Variants in SCAI observed in about 807,000 individuals in gnomAD.
SCAI encodes protein SCAI.
A neutral mutation model predicts 92.2 loss-of-function variants in SCAI; 24 were observed. The ratio of observed to expected loss-of-function variants is 0.26; its 90% CI spans 0.19 to 0.37. SCAI has a LOEUF of 0.37. SCAI is among the 10% of genes least tolerant of loss of function. The pLI is 1.00. For synonymous variants in SCAI, 261 were observed against 258.6 expected, an observed-to-expected ratio of 1.01 and a Z score of -0.09; for missense variants, 450 against 736.2, an observed-to-expected ratio of 0.61 and a Z score of 4.50.
intron 3 of SCAI, among the ~76,000 whole-genome samples, chr9:125,039,146 G>T (rs1339034080): frequency 6.6e-6 from 1 of 152,146 alleles, no homozygotes; most frequent in African/African-American, 2.4e-5. Context: ...CCAGCACTTT[G>T]GGAGGCCAAG....
chr9:125,054,428 T>C (rs1157341705), intron 3 of SCAI, among the ~76,000 whole-genome samples: 2 of 152,024 alleles, frequency 1.3e-5, no homozygotes. Context: ...ATAGAGTAAT[T>C]GAGGGCAGGG....
chr9:125,016,342 T>G (rs2131066382), intron 9 of SCAI, among the ~76,000 whole-genome samples: 1 of 150,122 alleles, frequency 6.7e-6, no homozygotes, highest in East Asian at 1.9e-4. Context: ...GAGCTGAGAT[T>G]GCACCACTGC....
intron 3 of SCAI, among the ~76,000 whole-genome samples, chr9:125,042,634 T>TGTAC (rs761672178): frequency 0.012 from 1,178 of 96,172 alleles, 29 homozygotes; most frequent in African/African-American, 0.044. Context: ...TGTGTGTGTG[T>TGTAC]ACACACACAC....
chr9:125,073,894 T>G (rs1588199334), intron 2 of SCAI, among the ~76,000 whole-genome samples: 1 of 152,126 alleles, frequency 6.6e-6, no homozygotes, highest in African/African-American at 2.4e-5. Flanking sequence ...AGGCTTCTAT[T>G]CTTCCTATTC....
intron 3 of SCAI, among the ~76,000 whole-genome samples, chr9:125,044,918 A>C (rs988142187): frequency 1.3e-5 from 2 of 152,194 alleles, no homozygotes; most frequent in African/African-American, 4.8e-5. Flanking sequence ...GCAACCTTGC[A>C]TGGCGCCAGT....
At chr9:125,139,150 C>T (rs529338352) in intron 2 of SCAI, among the ~76,000 whole-genome samples, 10 of 152,304 alleles carry the variant, frequency 6.6e-5, no homozygotes, top group South Asian at 2.1e-4. Context: ...CTGTGGCTGA[C>T]GCCTATAATT....
At chr9:125,128,962 C>T (rs966040955) in intron 2 of SCAI, among the ~76,000 whole-genome samples, 1 of 151,976 alleles carries the variant, frequency 6.6e-6, no homozygotes, top group African/African-American at 2.4e-5. Context: ...ATTCGGGAGA[C>T]TGAGGCAGGA....
intron 3 of SCAI, among the ~76,000 whole-genome samples, chr9:125,050,348 C>T (rs1833536107): frequency 6.6e-6 from 1 of 152,088 alleles, no homozygotes. Context: ...GTCCCTTTCT[C>T]AAGAAATGCT....
At chr9:125,069,362 G>C (rs564220076) in intron 2 of SCAI, among the ~76,000 whole-genome samples, 1 of 150,368 alleles carries the variant, frequency 6.7e-6, no homozygotes, top group Non-Finnish European at 1.5e-5. Context: ...CTGTCGCCCA[G>C]GCTGGAGTCC....
intron 3 of SCAI, among the ~76,000 whole-genome samples, chr9:125,047,083 T>C (rs1256910952): frequency 6.6e-6 from 1 of 152,196 alleles, no homozygotes; most frequent in Non-Finnish European, 1.5e-5. Context: ...GGCTGAATTG[T>C]TATTCCCAAA....
At chr9:124,963,176 A>T (rs1588118833) in intron 17 of SCAI, among the ~76,000 whole-genome samples, 1 of 150,080 alleles carries the variant, frequency 6.7e-6, no homozygotes, top group African/African-American at 2.5e-5. Context: ...TGCTTTTGTT[A>T]CCCAGGCTGG....
At chr9:125,041,855 T>A (rs1036335128) in intron 3 of SCAI, among the ~76,000 whole-genome samples, 9 of 152,164 alleles carry the variant, frequency 5.9e-5, no homozygotes, top group African/African-American at 1.7e-4. Flanking sequence ...TTAAATTTTT[T>A]AAAATTTGTC....
At chr9:125,040,759 G>A (rs1222378517) in intron 3 of SCAI, among the ~76,000 whole-genome samples, 4 of 151,906 alleles carry the variant, frequency 2.6e-5, no homozygotes, top group African/African-American at 7.3e-5. Flanking sequence ...CTGAGTAGAT[G>A]GGATTACAGG....
intron 14 of SCAI, among the ~76,000 whole-genome samples, chr9:124,986,862 A>G (rs549793710): frequency 6.6e-6 from 1 of 152,356 alleles, no homozygotes; most frequent in African/African-American, 2.4e-5. Flanking sequence ...TGCTGTAGAC[A>G]TCAGTCAAAT....
chr9:125,060,716 T>C (rs961784922), intron 2 of SCAI, among the ~76,000 whole-genome samples: 1 of 152,168 alleles, frequency 6.6e-6, no homozygotes, highest in Non-Finnish European at 1.5e-5. Context: ...GCCACTGCCA[T>C]GTAAGAAGCA....
chr9:125,108,686 G>A lies in SCAI; in HGVS notation c.98+33947C>T, dbSNP rs542084486. Among the ~76,000 whole-genome samples, 17 of 146,854 alleles carry A rather than the reference G, an allele frequency of 1.2e-4. No homozygotes were observed. In the South Asian group the frequency reaches 3.0e-3, roughly 26 times the overall value. ...AGCCCCTCCGCCCGGCAGCCGCCCC[G>A]TCAGAGAAGTGAGGAACCCCTCCGC... is the stretch of plus-strand genomic sequence containing the variant. On this transcript the variant is annotated intron_variant, in intron 2 of 17. Transcript: ENST00000336505.
intron 14 of SCAI, among the ~76,000 whole-genome samples, chr9:124,985,515 T>C (rs1019965356): frequency 1.3e-5 from 2 of 152,168 alleles, no homozygotes; most frequent in Non-Finnish European, 2.9e-5. Context: ...TAATCAAGCA[T>C]ACAGGGGCAC....
chr9:125,050,506 G>T (rs1173736805), intron 3 of SCAI, among the ~76,000 whole-genome samples: 2 of 152,102 alleles, frequency 1.3e-5, no homozygotes, highest in African/African-American at 4.8e-5. Context: ...TTTAAGGAAG[G>T]CCTACAAAAC....
intron 2 of SCAI, among the ~76,000 whole-genome samples, chr9:125,070,494 G>T (rs1486484254): frequency 6.6e-6 from 1 of 150,622 alleles, no homozygotes; most frequent in East Asian, 1.9e-4. Context: ...CCACCTCCAG[G>T]ATTCAAGCAA....
Sources: gnomAD v4.1 joint callset for allele counts (sites outside exome capture counted in the v4.1 genomes callset) on GRCh38, gnomAD v4.1.1 for gene constraint, MANE v1.5 for transcripts, NCBI Gene and HGNC (gene_info 2026-07-23, HGNC 2026-07-21) for gene names.